The following VOPP1 variants were observed in gnomAD, a reference collection of about 807,000 sequenced individuals.
VOPP1 encodes VOPP1 WW domain binding protein.
In VOPP1, 8 loss-of-function variants were observed where a neutral mutation model predicts 23.5. The observed-to-expected ratio is 0.34, with a 90% CI of 0.20 to 0.61. The LOEUF (loss-of-function observed/expected upper bound fraction) is 0.61, where lower values mean the gene tolerates loss of function less well. Ranked by LOEUF, VOPP1 falls within the 20% of genes least tolerant of loss-of-function variation. The pLI is 0.78. For synonymous variants in VOPP1, 83 were observed against 97.3 expected (o/e 0.85, Z 0.86); for missense variants, 174 against 238.1 (o/e 0.73, Z 1.77).
At chr7:55,510,899 C>T (rs1795030059) in intron 2 of VOPP1, among the ~76,000 whole-genome samples, 1 of 152,132 alleles carries the variant, frequency 6.6e-6, no homozygotes, top group African/African-American at 2.4e-5. Context: ...TGAGGTCTCT[C>T]CCAACACCAT....
In VOPP1 at chr7:55,492,328, T is replaced by C. The variant is rs1259775714; in HGVS notation, c.282A>G (p.Pro94=). The C allele has an allele frequency of 1.9e-6, 3 of 1,611,456 alleles. No individual in the cohort carries two copies. Among genetic ancestry groups the C allele is most frequent in the Non-Finnish European group, 2.5e-6 (3 of 1,178,862 alleles). The change falls in exon 4 of 5, where the codon CCA becomes CCG. Residue 94 remains proline, a synonymous_variant. Transcript: ENST00000285279. Reference sequence around the variant, plus strand: ...GCCTGGTGTAGGACACATTGAAGGCTGGCTCCTCGATCAGCGGCGGGGGGT... The same window carrying C: ...GCCTGGTGTAGGACACATTGAAGGCCGGCTCCTCGATCAGCGGCGGGGGGT... The part of the protein sequence containing the change: ...RMYPPPLIEE[P]AFNVSYTRQP...
intron 4 of VOPP1, among the ~76,000 whole-genome samples, chr7:55,462,677 A>T: frequency 1.5e-5 from 2 of 130,812 alleles, no homozygotes; most frequent in Non-Finnish European, 1.6e-5. Context: ...TTTTTTTGAG[A>T]CGGAGTCTCG....
intron 4 of VOPP1, among the ~76,000 whole-genome samples, chr7:55,480,904 T>TA (rs5884416): frequency 0.34 from 51,063 of 152,094 alleles, 8,973 homozygotes; most frequent in Non-Finnish European, 0.39. Context: ...ACTTGCAGTT[T>TA]AGAGAGACAA....
intron 1 of VOPP1, chr7:55,526,932 A>G (rs1796225544): frequency 6.6e-6 from 1 of 152,338 alleles, no homozygotes; most frequent in Admixed American, 6.5e-5. Context: ...TCAAAAGCAG[A>G]ACTTGACACA....
chr7:55,498,538 C>A (rs553920156), intron 2 of VOPP1, among the ~76,000 whole-genome samples: 1 of 152,200 alleles, frequency 6.6e-6, no homozygotes, highest in Non-Finnish European at 1.5e-5. Context: ...AAAGTGCAAA[C>A]CCTTCCGTTT....
At chr7:55,482,326 G>A (rs1180581524) in intron 4 of VOPP1, among the ~76,000 whole-genome samples, 3 of 148,462 alleles carry the variant, frequency 2.0e-5, no homozygotes, top group Non-Finnish European at 4.4e-5. Flanking sequence ...GCCTTTTGGG[G>A]AAGAGAGGAA....
chr7:55,552,470 C>T (rs905023623), intron 1 of VOPP1, among the ~76,000 whole-genome samples: 3 of 151,936 alleles, frequency 2.0e-5, no homozygotes, highest in Non-Finnish European at 4.4e-5. Context: ...TTATTAGACA[C>T]CCATTATTTT....
chr7:55,441,308 T>C (rs148427672), intron 4 of VOPP1, among the ~76,000 whole-genome samples: 14 of 152,192 alleles, frequency 9.2e-5, no homozygotes, highest in Admixed American at 3.3e-4. Flanking sequence ...GCCTTGCCCC[T>C]CTCTCCGATT....
At chr7:55,492,484 C>G (rs892038728) in intron 3 of VOPP1, 66 bp from the exon 4 acceptor site, 10 of 1,515,496 alleles carry the variant, frequency 6.6e-6, no homozygotes, top group Non-Finnish European at 8.9e-7. Flanking sequence ...GGCCCTACAG[C>G]TCAAAGGCCT....
chr7:55,490,399 G>A (rs1329882836), intron 4 of VOPP1, among the ~76,000 whole-genome samples: 6 of 152,074 alleles, frequency 3.9e-5, no homozygotes, highest in Non-Finnish European at 7.4e-5. Flanking sequence ...GTGCACATAG[G>A]GATGCATTCT....
intron 2 of VOPP1, among the ~76,000 whole-genome samples, chr7:55,505,990 A>G (rs1413680761): frequency 2.0e-5 from 3 of 152,208 alleles, no homozygotes; most frequent in Admixed American, 1.3e-4. Flanking sequence ...GACCAACCCA[A>G]TAGGACCTTA....
chr7:55,462,516 G>GCT (rs1210592668), intron 4 of VOPP1, among the ~76,000 whole-genome samples: 8 of 151,912 alleles, frequency 5.3e-5, no homozygotes, highest in Non-Finnish European at 1.2e-4. Context: ...TGTCTCATAG[G>GCT]CTCTCTCTTT....
rs1198346158 is a variant in VOPP1 at position 55,562,525 on chromosome 7, A to G, written c.54+9746T>C. 2.0e-5 allele frequency among the ~76,000 whole-genome samples: 3 copies of G among 152,232 alleles called. No homozygotes were observed. The East Asian group carries it at 5.8e-4, about 29-fold the overall frequency. The stretch of plus-strand genomic sequence containing the variant: ...TTCAAGACTATTGCAATAGGGGTCA[A>G]TCTATCACAACAGCAAGACAGACTG... On this transcript the variant is annotated intron_variant, in intron 1 of 4. Transcript: ENST00000285279.
At chr7:55,552,231 A>C (rs1446779359) in intron 1 of VOPP1, among the ~76,000 whole-genome samples, 1 of 152,166 alleles carries the variant, frequency 6.6e-6, no homozygotes, top group African/African-American at 2.4e-5. Flanking sequence ...AAGATGGACA[A>C]ATATAAGCAC....
At chr7:55,532,289 A>G (rs567745047) in intron 1 of VOPP1, among the ~76,000 whole-genome samples, 2 of 152,342 alleles carry the variant, frequency 1.3e-5, no homozygotes, top group East Asian at 1.9e-4. Context: ...TGACCCAACC[A>G]TGGTCAGGTC....
At chr7:55,449,612 C>A (rs1425250941) in intron 4 of VOPP1, among the ~76,000 whole-genome samples, 1 of 152,224 alleles carries the variant, frequency 6.6e-6, no homozygotes, top group Admixed American at 6.5e-5. Flanking sequence ...GAAGGTTGGA[C>A]GAAAAGCTGC....
chr7:55,463,632 G>A (rs1372522945), intron 4 of VOPP1, among the ~76,000 whole-genome samples: 3 of 152,220 alleles, frequency 2.0e-5, no homozygotes, highest in Non-Finnish European at 4.4e-5. Flanking sequence ...GGGGATGCCA[G>A]GTGGGGCAGT....
chr7:55,524,345 C>G (rs529572994), intron 1 of VOPP1, among the ~76,000 whole-genome samples: 3 of 152,336 alleles, frequency 2.0e-5, no homozygotes, highest in Admixed American at 6.5e-5. Context: ...TTTCTTGAAA[C>G]AGAAAGCACC....
In VOPP1 at chr7:55,492,305, CT is replaced by C; in HGVS notation, c.304del (p.Arg102GlyfsTer26). The C allele has an allele frequency of 6.2e-7, 1 of 1,610,476 alleles. No individual in the cohort carries two copies. The highest frequency in any genetic ancestry group is 8.5e-7 in the Non-Finnish European group (1 of 1,178,190). Reference protein sequence around the residue: ...EEPAFNVSYTRQPPNPGPGAQ... With the variant: ...EEPAFNVSYTXQPPNPGPGAQ... ...ACCTGGGCCGGGATTTGGGGGCTGC[CT>C]GGTGTAGGACACATTGAAGGCTGGC... On this transcript the variant is annotated frameshift_variant, in exon 4 of 5. Transcript: ENST00000285279. LOFTEE classifies it high-confidence loss of function.
Sources: gnomAD v4.1 joint callset for allele counts (sites outside exome capture counted in the v4.1 genomes callset) on GRCh38, gnomAD v4.1.1 for gene constraint, MANE v1.5 for transcripts, NCBI Gene and HGNC (gene_info 2026-07-23, HGNC 2026-07-21) for gene names.